SCLT1: variants seen among roughly 807,000 people sequenced by gnomAD.
SCLT1 encodes sodium channel and clathrin linker 1.
SCLT1 carries 78 observed loss-of-function variants against 112.8 expected under a neutral mutation model. The observed-to-expected ratio is 0.69, with a 90% CI of 0.58 to 0.83. The LOEUF (loss-of-function observed/expected upper bound fraction) is 0.83, where lower values mean the gene tolerates loss of function less well. SCLT1 is among the 40% of genes least tolerant of loss of function. The probability of loss-of-function intolerance (pLI) is 0.00; values close to 1 mark genes in which losing one functional copy is unlikely to be tolerated. For missense variants in SCLT1, 747 were observed against 770.4 expected, an observed-to-expected ratio of 0.97 and a Z score of 0.36; for synonymous variants, 257 against 254.7, an observed-to-expected ratio of 1.01 and a Z score of -0.09.
intron 18 of SCLT1, among the ~76,000 whole-genome samples, chr4:128,895,576 AG>A (rs1162317204): frequency 1.3e-5 from 2 of 152,198 alleles, no homozygotes; most frequent in Non-Finnish European, 2.9e-5. Flanking sequence ...ATGGCTGAAT[AG>A]GAACAGCTCC....
At chr4:128,964,203 T>G (rs1739982516) in intron 11 of SCLT1, among the ~76,000 whole-genome samples, 2 of 152,196 alleles carry the variant, frequency 1.3e-5, no homozygotes. Flanking sequence ...GGACATTTGG[T>G]AGTTACAATG....
At chr4:128,882,615 G>T (rs534925016), downstream of SCLT1, among the ~76,000 whole-genome samples, 114 of 152,240 alleles carry the variant, frequency 7.5e-4, no homozygotes, top group Non-Finnish European at 1.4e-3. Context: ...TGGGTGCTAG[G>T]GATAAAATGA....
At chr4:128,927,432 A>G (rs1486211003) in intron 18 of SCLT1, among the ~76,000 whole-genome samples, 1 of 151,940 alleles carries the variant, frequency 6.6e-6, no homozygotes, top group Non-Finnish European at 1.5e-5. Flanking sequence ...AAACTTAGCC[A>G]GCTGTGGTGG....
chr4:128,972,843 T>A (rs887717691), intron 9 of SCLT1, among the ~76,000 whole-genome samples: 3 of 152,140 alleles, frequency 2.0e-5, no homozygotes, highest in African/African-American at 7.2e-5. Flanking sequence ...TATCTAGTAA[T>A]AAAAACTCCT....
At chr4:128,917,854 G>T (rs947508666) in intron 18 of SCLT1, among the ~76,000 whole-genome samples, 2 of 152,096 alleles carry the variant, frequency 1.3e-5, no homozygotes, top group Non-Finnish European at 2.9e-5. Flanking sequence ...AGAAAGGGGT[G>T]TGGTGGAGAG....
intron 18 of SCLT1, among the ~76,000 whole-genome samples, chr4:128,925,613 G>A (rs978689988): frequency 2.6e-5 from 4 of 151,988 alleles, no homozygotes; most frequent in South Asian, 2.1e-4. Context: ...CGTCAGCCAC[G>A]GTGTCTGGCC....
intron 18 of SCLT1, among the ~76,000 whole-genome samples, chr4:128,909,982 G>T (rs1436885829): frequency 6.6e-6 from 1 of 152,160 alleles, no homozygotes; most frequent in Non-Finnish European, 1.5e-5. Flanking sequence ...AATAGAGTGG[G>T]GAAAAATTTG....
chr4:129,086,133 G>C (rs1271612721), intron 1 of SCLT1, among the ~76,000 whole-genome samples: 1 of 151,564 alleles, frequency 6.6e-6, no homozygotes, highest in African/African-American at 2.4e-5. Context: ...AATTAAAATA[G>C]GATAAGAAGT....
In SCLT1 at chr4:128,999,491, A is replaced by G. The variant is rs574056382; in HGVS notation, c.549+181T>C. Among the ~76,000 whole-genome samples the G allele has an allele frequency of 1.7e-3, 254 of 152,072 alleles. 7 individuals are homozygous for G. Among genetic ancestry groups the G allele is most frequent in the South Asian group, 4.6e-3 (22 of 4,824 alleles). ...CCAAATGATCACTGTCCAGTTCTCT[A>G]ATTAGTTTACCTGTTCAATAGTGTA... On this transcript the variant is annotated intron_variant, in intron 7 of 20. Coordinates refer to ENST00000281142, the MANE Select transcript of SCLT1 (RefSeq NM_144643.4).
At chr4:129,085,335 A>C (rs965829868) in intron 1 of SCLT1, among the ~76,000 whole-genome samples, 2 of 152,248 alleles carry the variant, frequency 1.3e-5, no homozygotes, top group Non-Finnish European at 2.9e-5. Flanking sequence ...CACCAGTTAG[A>C]ATGGCTATTA....
intron 4 of SCLT1, chr4:129,040,015 T>C: frequency 1.7e-6 from 1 of 584,266 alleles, no homozygotes; most frequent in South Asian, 2.1e-5. Context: ...GTCTTGATTG[T>C]GCTTCCTAAG....
chr4:129,080,406 T>G (rs1247384058), intron 2 of SCLT1, among the ~76,000 whole-genome samples: 1 of 152,206 alleles, frequency 6.6e-6, no homozygotes, highest in African/African-American at 2.4e-5. Context: ...CTTTCTTGCT[T>G]GGAAAGTTTC....
chr4:128,963,382 A>G (rs929000960), intron 11 of SCLT1, among the ~76,000 whole-genome samples: 1 of 152,186 alleles, frequency 6.6e-6, no homozygotes, highest in African/African-American at 2.4e-5. Context: ...AGATAATCAG[A>G]TATCACCAGA....
intron 12 of SCLT1, 65 bp downstream of exon 12, chr4:128,959,535 G>T: frequency 1.7e-6 from 2 of 1,197,402 alleles, no homozygotes; most frequent in Non-Finnish European, 2.4e-6. Flanking sequence ...ATCCCTTACT[G>T]TGAGGTCACA....
intron 9 of SCLT1, among the ~76,000 whole-genome samples, chr4:128,988,590 C>A (rs1043845974): frequency 6.6e-6 from 1 of 151,404 alleles, no homozygotes; most frequent in African/African-American, 2.4e-5. Context: ...CAATACAACC[C>A]CAGAAAAAAA....
At chr4:128,876,011 T>C (rs1484276309) in intron 4 of SCLT1, among the ~76,000 whole-genome samples, 1 of 152,144 alleles carries the variant, frequency 6.6e-6, no homozygotes, top group Non-Finnish European at 1.5e-5. Flanking sequence ...TTCTCATTTC[T>C]GAAAAGATTG....
At chr4:128,905,515 C>T (rs1172391279) in intron 18 of SCLT1, among the ~76,000 whole-genome samples, 1 of 64,988 alleles carries the variant, frequency 1.5e-5, no homozygotes, top group African/African-American at 5.7e-5. Flanking sequence ...CCCACTGCTG[C>T]ACTTTAGACT....
At chr4:128,948,355 A>AT in intron 15 of SCLT1, 141 bp downstream of exon 15, 1 of 1,018,286 alleles carries the variant, frequency 9.8e-7, no homozygotes, top group Non-Finnish European at 1.3e-6. Flanking sequence ...AAAAAAAAAA[A>AT]AAAAGAAAAG....
At chr4:128,893,377 A>G (rs318506) in intron 18 of SCLT1, among the ~76,000 whole-genome samples, 110,546 of 152,118 alleles carry the variant, frequency 0.73, 40,486 homozygotes, top group African/African-American at 0.82. Context: ...GAGCAACTTC[A>G]TTATTCATCT....
Sources: allele counts gnomAD v4.1 joint callset (sites outside exome capture counted in the v4.1 genomes callset), GRCh38; gene constraint gnomAD v4.1.1; transcripts MANE v1.5; gene names NCBI Gene and HGNC (gene_info 2026-07-23, HGNC 2026-07-21).